Variants in PCDHGA4 observed in about 807,000 individuals in gnomAD.
The protein encoded by PCDHGA4 is protocadherin gamma subfamily A, 4, also known as protocadherin gamma-A4.
A neutral mutation model predicts 54.6 loss-of-function variants in PCDHGA4; 38 were observed. The ratio of observed to expected loss-of-function variants is 0.70; its 90% CI spans 0.54 to 0.91. The LOEUF is 0.91. PCDHGA4 is among the 40% of genes least tolerant of loss of function. The pLI, the probability that PCDHGA4 is intolerant of heterozygous loss-of-function variation, is 0.00. For synonymous variants in PCDHGA4, 511 were observed against 512.9 expected (o/e 1.00, Z 0.05); for missense variants, 1,298 against 1,220.9 (o/e 1.06, Z -0.94).
chr5:141,427,028 C>T (rs960885416), intron 1 of PCDHGA4: 12 of 456,928 alleles, frequency 2.6e-5, no homozygotes, highest in Admixed American at 2.1e-4. Flanking sequence ...ACAAAGTCAG[C>T]CTTAGAGAGA....
chr5:141,457,264 C>T (rs2098915249), intron 1 of PCDHGA4, among the ~76,000 whole-genome samples: 1 of 152,142 alleles, frequency 6.6e-6, no homozygotes, highest in South Asian at 2.1e-4. Flanking sequence ...ATAGAATTCC[C>T]CTCTGTGGGC....
At chr5:141,369,470 C>T (rs752917426) in intron 1 of PCDHGA4, among the ~76,000 whole-genome samples, 13 of 152,166 alleles carry the variant, frequency 8.5e-5, no homozygotes, top group African/African-American at 1.9e-4. Context: ...TGTTCTAGCC[C>T]AGCCTGGGCA....
intron 1 of PCDHGA4, among the ~76,000 whole-genome samples, chr5:141,450,894 G>A (rs919860611): frequency 2.7e-5 from 4 of 148,956 alleles, no homozygotes; most frequent in Admixed American, 1.3e-4. Context: ...GTGCGATATC[G>A]GCTCACTGCA....
In PCDHGA4 at chr5:141,431,463, C is replaced by T. The variant is rs139195027; in HGVS notation, c.2515-63344C>T. Reference sequence around the variant, plus strand: ...CGCATCCGCGTGATGGTTCTGGATGCGAACGACAACGCACCAGCGTTTGCT... The same window carrying T: ...CGCATCCGCGTGATGGTTCTGGATGTGAACGACAACGCACCAGCGTTTGCT... On this transcript the variant is annotated intron_variant, in intron 1 of 3. Transcript: ENST00000571252. The surrounding 1 kb of genome is among the most constrained non-coding windows in gnomAD (Gnocchi z 4.8). The T allele has an allele frequency of 3.5e-3, 5,640 of 1,613,740 alleles. 51 individuals are homozygous for T. Among genetic ancestry groups the T allele is most frequent in the South Asian group, 0.02 (1,825 of 91,088 alleles).
chr5:141,355,965 T>C lies in PCDHGA4; in HGVS notation c.858T>C (p.Val286=). ...ACCACGTAAGTGTTCGTGAGAACGT[T>C]CCTGTAGGCACTCGGCTACTCACCG... ...PEYHVSVREN[V]PVGTRLLTVK... is the part of the protein sequence containing the mutation. Residue 286 remains valine (V), a synonymous_variant, in exon 1 of 4, where the codon GTT becomes GTC. Transcript: ENST00000571252. The C allele has an allele frequency of 6.2e-7, 1 of 1,613,884 alleles. No homozygotes were observed. The highest frequency in any genetic ancestry group is 1.1e-5 in the South Asian group (1 of 91,070).
At position 141,509,907 on chromosome 5, in the gene PCDHGA4, C is replaced by G. The variant is rs149338646; in HGVS notation, c.2663-1040C>G. Among the ~76,000 whole-genome samples, 567 of 152,300 alleles carry G rather than the reference C, an allele frequency of 3.7e-3. 5 individuals carry two copies. Among genetic ancestry groups the G allele is most frequent in the Admixed American group, 0.011 (163 of 15,296 alleles). ...GTGACTGACTGTCCCTTCCAGCATGCGCTTAGGTACACTTGGGCCTGAATG... is the reference window on the plus strand; with the variant it reads ...GTGACTGACTGTCCCTTCCAGCATGGGCTTAGGTACACTTGGGCCTGAATG... On this transcript the variant is annotated intron_variant, in intron 3 of 3. Coordinates refer to ENST00000571252, the MANE Select transcript of PCDHGA4 (RefSeq NM_018917.4).
intron 1 of PCDHGA4, chr5:141,412,903 G>T: frequency 5.3e-6 from 2 of 376,030 alleles, no homozygotes; most frequent in East Asian, 4.2e-5. Flanking sequence ...ACTTTCCATT[G>T]CATGTATCAC....
intron 1 of PCDHGA4, chr5:141,376,224 T>A: frequency 6.2e-7 from 1 of 1,614,156 alleles, no homozygotes; most frequent in Admixed American, 1.7e-5. Flanking sequence ...CTGCTGGCGC[T>A]CAGACTGCAG....
intron 1 of PCDHGA4, among the ~76,000 whole-genome samples, chr5:141,447,135 G>GT (rs905717632): frequency 9.9e-5 from 15 of 151,698 alleles, no homozygotes; most frequent in African/African-American, 3.4e-4. Flanking sequence ...TTGTTTGTTT[G>GT]TTTTTTGTTT....
chr5:141,441,993 G>T (rs577673608), intron 1 of PCDHGA4: 16 of 251,180 alleles, frequency 6.4e-5, no homozygotes, highest in East Asian at 3.9e-4. Flanking sequence ...CACCGACGAG[G>T]TGCTGACAGC....
intron 1 of PCDHGA4, chr5:141,408,678 A>G (rs758302984): frequency 2.5e-6 from 4 of 1,613,862 alleles, no homozygotes; most frequent in African/African-American, 1.3e-5. Context: ...CCTGCCACGG[A>G]TCCTGATATA....
intron 2 of PCDHGA4, among the ~76,000 whole-genome samples, chr5:141,500,001 A>G (rs961582279): frequency 6.6e-5 from 10 of 151,914 alleles, no homozygotes; most frequent in African/African-American, 2.4e-4. Context: ...TGATTCTTTC[A>G]TAAGGTCCAC....
chr5:141,382,990 A>T, intron 1 of PCDHGA4: 4 of 1,613,412 alleles, frequency 2.5e-6, no homozygotes, highest in Non-Finnish European at 3.4e-6. Context: ...GGCAGGACGT[A>T]TTCTCTACTC....
At chr5:141,375,517 C>T (rs1399312320) in intron 1 of PCDHGA4, 3 of 1,614,038 alleles carry the variant, frequency 1.9e-6, no homozygotes, top group Non-Finnish European at 1.7e-6. Flanking sequence ...ATGCACTGGA[C>T]CCTGACGTGG....
intron 1 of PCDHGA4, chr5:141,360,463 G>A (rs1405122386): frequency 6.2e-7 from 1 of 1,613,904 alleles, no homozygotes; most frequent in South Asian, 1.1e-5. Flanking sequence ...CGATACTGTC[G>A]CTGAAAATCC....
chr5:141,383,388 C>A (rs764387936), intron 1 of PCDHGA4: 106 of 1,613,860 alleles, frequency 6.6e-5, no homozygotes, highest in Non-Finnish European at 8.6e-5. Flanking sequence ...CAGATGTGGG[C>A]ACGAACTCCC....
intron 2 of PCDHGA4, among the ~76,000 whole-genome samples, chr5:141,495,389 C>T (rs966648925): frequency 2.0e-5 from 3 of 152,204 alleles, no homozygotes; most frequent in African/African-American, 7.2e-5. Context: ...CTGGGCGGGG[C>T]ATGGAGCAGG....
At chr5:141,374,919 A>G in intron 1 of PCDHGA4, 2 of 1,613,932 alleles carry the variant, frequency 1.2e-6, no homozygotes, top group Non-Finnish European at 1.7e-6. Flanking sequence ...GAAGTAACTT[A>G]TTCCTTTGTG....
At position 141,486,821 on chromosome 5, in the gene PCDHGA4, A is replaced by T. The variant is rs756652952; in HGVS notation, c.2515-7986A>T. On this transcript the variant is annotated intron_variant, in intron 1 of 3. Transcript: ENST00000571252. The surrounding 1 kb of genome is among the most constrained non-coding windows in gnomAD (Gnocchi z 5.0). ...CAACCCACCCCTTAGCAGCACTGTA[A>T]CAGTTCGTCTATTTGTGCTGGACCT... 36 of 1,614,116 alleles carry T rather than the reference A, an allele frequency of 2.2e-5. No individual in the cohort carries two copies. In the South Asian group the frequency reaches 3.4e-4, roughly 15 times the overall value.
Sources: gnomAD v4.1 joint callset for allele counts (sites outside exome capture counted in the v4.1 genomes callset) on GRCh38, gnomAD v4.1.1 for gene constraint, Gnocchi (gnomAD v3.1) non-coding constraint, MANE v1.5 for transcripts, NCBI Gene and HGNC (gene_info 2026-07-23, HGNC 2026-07-21) for gene names.